The following ARMH4 variants were observed in gnomAD, a reference collection of about 807,000 sequenced individuals.
The protein encoded by ARMH4 is armadillo like helical domain containing 4.
A neutral mutation model predicts 61.9 loss-of-function variants in ARMH4; 49 were observed. The ratio of observed to expected loss-of-function variants is 0.79; its 90% confidence interval spans 0.63 to 1.00. ARMH4 has a LOEUF of 1.00. ARMH4 is among the 50% of genes least tolerant of loss of function. ARMH4 has a pLI of 0.00. For synonymous variants in ARMH4, 368 were observed against 341.5 expected (o/e 1.08, Z -0.85); for missense variants, 934 against 930.0 (o/e 1.00, Z -0.06).
intron 5 of ARMH4, among the ~76,000 whole-genome samples, chr14:58,084,440 G>A (rs1216589091): frequency 2.0e-5 from 3 of 152,150 alleles, no homozygotes; most frequent in Admixed American, 1.3e-4. Flanking sequence ...CCTGTGGGAT[G>A]TGCAATACTT....
chr14:58,080,601 G>A (rs1885190640), intron 5 of ARMH4, among the ~76,000 whole-genome samples: 1 of 152,178 alleles, frequency 6.6e-6, no homozygotes, highest in African/African-American at 2.4e-5. Context: ...GAGAGAGAGG[G>A]AGGGAGACAA....
intron 1 of ARMH4, among the ~76,000 whole-genome samples, chr14:58,149,828 G>A (rs187192880): frequency 6.6e-6 from 1 of 152,342 alleles, no homozygotes. Flanking sequence ...CATAAAAGCA[G>A]TTTGAAACAA....
At chr14:58,095,011 G>A (rs532225609) in intron 5 of ARMH4, among the ~76,000 whole-genome samples, 2 of 152,322 alleles carry the variant, frequency 1.3e-5, no homozygotes, top group South Asian at 4.1e-4. Context: ...TGAGGAGCAT[G>A]ATAATACCAC....
chr14:58,026,883 G>A (rs1883039816), intron 5 of ARMH4, among the ~76,000 whole-genome samples: 1 of 152,192 alleles, frequency 6.6e-6, no homozygotes, highest in African/African-American at 2.4e-5. Context: ...CCAAGTGGCT[G>A]TAGTCTCTTG....
intron 4 of ARMH4, among the ~76,000 whole-genome samples, chr14:58,097,681 AT>A (rs34512372): frequency 0.42 from 59,293 of 142,836 alleles, 12,425 homozygotes; most frequent in Non-Finnish European, 0.47. Flanking sequence ...CGTTTTCTTG[AT>A]TTTTTTTTTT....
chr14:58,078,775 A>C (rs1885129474), intron 5 of ARMH4, among the ~76,000 whole-genome samples: 1 of 152,230 alleles, frequency 6.6e-6, no homozygotes, highest in Admixed American at 6.5e-5. Context: ...ACCTTTCTTT[A>C]CAAAAACAGG....
At chr14:58,048,744 G>A (rs1311129367) in intron 5 of ARMH4, among the ~76,000 whole-genome samples, 1 of 152,198 alleles carries the variant, frequency 6.6e-6, no homozygotes, top group East Asian at 1.9e-4. Flanking sequence ...GACCTAGAAA[G>A]ACAAGGGAGA....
rs546347999 is a variant in ARMH4 at position 58,012,840 on chromosome 14, T to C, written c.2090-690A>G. Among the ~76,000 whole-genome samples the C allele has an allele frequency of 2.0e-5, 3 of 152,330 alleles. No homozygotes were observed. In the East Asian group the frequency reaches 5.8e-4, roughly 29 times the overall value. On this transcript the variant is annotated intron_variant, in intron 5 of 7. Coordinates refer to ENST00000267485, the MANE Select transcript of ARMH4 (RefSeq NM_001001872.4). ...GACCATAGTTACAGCCATTTGGGAA[T>C]ACATAAATAAGCCAAGAGTAGAAGG...
chr14:58,087,554 A>G (rs1885422290), intron 5 of ARMH4, among the ~76,000 whole-genome samples: 1 of 152,158 alleles, frequency 6.6e-6, no homozygotes, highest in African/African-American at 2.4e-5. Context: ...ATTTAAAGGG[A>G]GGAGAAGGGA....
intron 4 of ARMH4, among the ~76,000 whole-genome samples, chr14:58,118,539 C>G (rs1886611112): frequency 6.6e-6 from 1 of 151,594 alleles, no homozygotes; most frequent in Non-Finnish European, 1.5e-5. Flanking sequence ...AGAAGTTTAC[C>G]CTTTACATAG....
chr14:58,120,729 T>C (rs1458130639), intron 4 of ARMH4, among the ~76,000 whole-genome samples: 2 of 152,100 alleles, frequency 1.3e-5, no homozygotes, highest in East Asian at 1.9e-4. Context: ...TTAGAAACAA[T>C]AGGTGACAAA....
intron 1 of ARMH4, among the ~76,000 whole-genome samples, chr14:58,142,028 T>C (rs1283594775): frequency 6.6e-6 from 1 of 152,176 alleles, no homozygotes; most frequent in African/African-American, 2.4e-5. Context: ...TATATTAAAA[T>C]TGTTAATTTA....
At chr14:58,088,018 C>T (rs368212860) in intron 5 of ARMH4, among the ~76,000 whole-genome samples, 1 of 152,134 alleles carries the variant, frequency 6.6e-6, no homozygotes, top group African/African-American at 2.4e-5. Context: ...TGCACATCTG[C>T]GAGAACAGTT....
rs1887179819 is a variant in ARMH4 at position 58,133,181 on chromosome 14, A to G, written c.1530T>C (p.Val510=). ...GCTCCCATCTTCTTGACAGCTGAGTAACACCAGGAACGTCAGACACAGGAG... is the reference window on the plus strand; with the variant it reads ...GCTCCCATCTTCTTGACAGCTGAGTGACACCAGGAACGTCAGACACAGGAG... ...DPSPVSDVPG[V]TQLSRRWEPL... Residue 510 remains valine (V), a synonymous_variant, in exon 3 of 8, where the codon GTT becomes GTC. Coordinates refer to ENST00000267485, the MANE Select transcript of ARMH4 (RefSeq NM_001001872.4). 9 of 1,614,050 alleles carry G rather than the reference A, an allele frequency of 5.6e-6. No individual in the cohort carries two copies. The highest frequency in any genetic ancestry group is 7.6e-6 in the Non-Finnish European group (9 of 1,180,036).
chr14:58,132,956 G>T, intron 3 of ARMH4, 134 bp downstream of exon 3: 2 of 837,376 alleles, frequency 2.4e-6, no homozygotes, highest in Non-Finnish European at 1.9e-6. Flanking sequence ...TCCAGGTAAA[G>T]GTGTGTGTGT....
rs1404588306 is a variant in ARMH4, at chr14:58,106,522, T to C, written c.1832-9541A>G. On this transcript the variant is annotated intron_variant, in intron 4 of 7. Transcript: ENST00000267485. ...AGAGATGCTTAGTGATATTAAATAG[T>C]GTGTCCATAGCTCAAATAGAGAAAT... is the stretch of plus-strand genomic sequence containing the variant. 8.5e-5 allele frequency among the ~76,000 whole-genome samples: 13 copies of C among 152,348 alleles called. No homozygotes were observed. The East Asian group carries it at 2.1e-3, about 25-fold the overall frequency.
chr14:58,043,339 A>G (rs1370567594), intron 5 of ARMH4, among the ~76,000 whole-genome samples: 1 of 152,092 alleles, frequency 6.6e-6, no homozygotes, highest in Non-Finnish European at 1.5e-5. Context: ...TATAAACAGA[A>G]CCAATGACAA....
chr14:58,135,997 A>G (rs553097125), intron 2 of ARMH4, among the ~76,000 whole-genome samples: 1 of 152,308 alleles, frequency 6.6e-6, no homozygotes, highest in South Asian at 2.1e-4. Context: ...CTCTTGGTAC[A>G]AAGAACATTT....
At chr14:58,060,204 A>G (rs965548287) in intron 5 of ARMH4, among the ~76,000 whole-genome samples, 1 of 152,122 alleles carries the variant, frequency 6.6e-6, no homozygotes, top group African/African-American at 2.4e-5. Context: ...TCATTTGTCT[A>G]CCTACACTGA....
Sources: allele counts gnomAD v4.1 joint callset (sites outside exome capture counted in the v4.1 genomes callset), GRCh38; gene constraint gnomAD v4.1.1; transcripts MANE v1.5; gene names NCBI Gene and HGNC (gene_info 2026-07-23, HGNC 2026-07-21).